The following EYS variants were observed in gnomAD, a reference collection of about 807,000 sequenced individuals.
EYS encodes EGF-like photoreceptor maintenance factor.
Under a neutral mutation model 282.1 loss-of-function variants are expected in EYS, and 250 were observed. That is an observed-to-expected ratio of 0.89 (90% CI 0.80 to 0.98). The LOEUF (loss-of-function observed/expected upper bound fraction) is 0.98, where lower values mean the gene tolerates loss of function less well. Ranked by LOEUF, EYS falls within the 50% of genes least tolerant of loss-of-function variation. The pLI is 0.00. For missense variants in EYS, 4,016 were observed against 3,709.0 expected, an observed-to-expected ratio of 1.08 and a Z score of -2.15; for synonymous variants, 1,355 against 1,282.9, an observed-to-expected ratio of 1.06 and a Z score of -1.20.
At chr6:63,729,953 T>A (rs531833874) in intron 41 of EYS, among the ~76,000 whole-genome samples, 1 of 152,328 alleles carries the variant, frequency 6.6e-6, no homozygotes, top group African/African-American at 2.4e-5. Context: ...TTTTATATAG[T>A]CATCTCTCTT....
At position 64,297,999 on chromosome 6, in the gene EYS, ATT is replaced by A. The variant is rs1456002772; in HGVS notation, c.6191+8969_6191+8970del. Among the ~76,000 whole-genome samples, 89 of 140,514 alleles carry A rather than the reference ATT, an allele frequency of 6.3e-4. 2 individuals are homozygous for A. Among genetic ancestry groups the A allele is most frequent in the African/African-American group, 2.3e-3 (86 of 37,568 alleles). 92.2% of individuals were successfully genotyped at this position (140,514 alleles called of 152,430 possible). On this transcript the variant is annotated intron_variant, in intron 30 of 42. Coordinates refer to ENST00000503581, the MANE Select transcript of EYS (RefSeq NM_001142800.2). ...TCTCAAAAAAAAAAAAAAAAAAAAA[ATT>A]AGGTAGAAATTAAGACATTCCCAGA...
At chr6:64,847,358 A>C (rs943175482) in intron 19 of EYS, among the ~76,000 whole-genome samples, 1 of 152,052 alleles carries the variant, frequency 6.6e-6, no homozygotes. Flanking sequence ...TGTTAATGCC[A>C]ATCAAAAATG....
intron 30 of EYS, among the ~76,000 whole-genome samples, chr6:64,260,337 G>A (rs192920362): frequency 2.3e-4 from 35 of 151,984 alleles, no homozygotes; most frequent in Admixed American, 2.1e-3. Context: ...TGTTTTAACC[G>A]CCTGGTTGTA....
chr6:65,176,498 T>TA (rs1031557352), intron 12 of EYS, among the ~76,000 whole-genome samples: 8 of 151,420 alleles, frequency 5.3e-5, no homozygotes, highest in Admixed American at 2.0e-4. Context: ...ACATTTTATT[T>TA]AAAAAAAACT....
At chr6:65,034,933 C>T (rs181089342) in intron 13 of EYS, among the ~76,000 whole-genome samples, 17 of 152,084 alleles carry the variant, frequency 1.1e-4, no homozygotes, top group African/African-American at 4.1e-4. Flanking sequence ...AGACCGATAT[C>T]TCTGAATAAC....
chr6:65,445,787 A>T (rs1341308787), intron 5 of EYS, among the ~76,000 whole-genome samples: 1 of 151,764 alleles, frequency 6.6e-6, no homozygotes, highest in Non-Finnish European at 1.5e-5. Context: ...TACTTTATTG[A>T]TGTTCTCTGA....
intron 31 of EYS, among the ~76,000 whole-genome samples, chr6:64,167,373 TGA>T (rs747085064): frequency 1.3e-5 from 2 of 152,224 alleles, no homozygotes; most frequent in Non-Finnish European, 2.9e-5. Flanking sequence ...TTTAAGTTCC[TGA>T]GAGTAAAATG....
At chr6:64,758,694 C>A (rs111472187) in intron 22 of EYS, among the ~76,000 whole-genome samples, 1 of 152,146 alleles carries the variant, frequency 6.6e-6, no homozygotes, top group Non-Finnish European at 1.5e-5. Flanking sequence ...CAACAGATTT[C>A]TTTTCTTTCA....
intron 36 of EYS, among the ~76,000 whole-genome samples, chr6:63,836,947 CT>C (rs59071203): frequency 1.1e-4 from 16 of 151,584 alleles, no homozygotes; most frequent in Non-Finnish European, 2.1e-4. Flanking sequence ...CATTCTCTGC[CT>C]TTTTTTTGAA....
chr6:64,743,116 C>A (rs967904556), intron 22 of EYS, among the ~76,000 whole-genome samples: 2 of 152,022 alleles, frequency 1.3e-5, no homozygotes, highest in African/African-American at 4.8e-5. Flanking sequence ...ACCGAGGTGA[C>A]ATTCAAGCAG....
chr6:65,593,637 G>C (rs1157534301), intron 2 of EYS, among the ~76,000 whole-genome samples: 2 of 151,794 alleles, frequency 1.3e-5, no homozygotes, highest in Non-Finnish European at 2.9e-5. Context: ...AACAAATAAA[G>C]TCTATTCTTA....
intron 1 of EYS, among the ~76,000 whole-genome samples, chr6:65,655,573 T>A (rs989435370): frequency 6.6e-6 from 1 of 151,834 alleles, no homozygotes; most frequent in South Asian, 2.1e-4. Context: ...GGATTTTTCA[T>A]AAAATATCTC....
intron 41 of EYS, among the ~76,000 whole-genome samples, chr6:63,733,301 T>C (rs1377156392): frequency 6.6e-6 from 1 of 152,146 alleles, no homozygotes; most frequent in Non-Finnish European, 1.5e-5. Flanking sequence ...CAACTTGTAT[T>C]TTAGGTCCAA....
At chr6:65,127,867 G>A (rs1453688218) in intron 12 of EYS, among the ~76,000 whole-genome samples, 1 of 152,006 alleles carries the variant, frequency 6.6e-6, no homozygotes, top group East Asian at 1.9e-4. Flanking sequence ...CTCACTGTTT[G>A]TGCAGAACTT....
At chr6:63,919,281 C>T (rs533121327) in intron 35 of EYS, among the ~76,000 whole-genome samples, 6 of 86,888 alleles carry the variant, frequency 6.9e-5, no homozygotes, top group Non-Finnish European at 1.2e-4. Context: ...GGCTCAGGGG[C>T]GGGGAAGAAG....
At position 65,115,966 on chromosome 6, in the gene EYS, A is replaced by ATCATCC. The variant is rs1554154790; in HGVS notation, c.2024-58240_2024-58239insGGATGA. Among the ~76,000 whole-genome samples, 20 of 144,856 alleles carry ATCATCC rather than the reference A, an allele frequency of 1.4e-4. 1 individual carries two copies. Among genetic ancestry groups the ATCATCC allele is most frequent in the African/African-American group, 5.0e-4 (19 of 38,376 alleles). On this transcript the variant is annotated intron_variant, in intron 12 of 42. Transcript: ENST00000503581. ...TGTCTGTCTGTCTGTCTGTCTATCT[A>ATCATCC]ATCTATCTATCTATCTATCTATCTA...
At chr6:65,039,277 T>G (rs183804087) in intron 13 of EYS, among the ~76,000 whole-genome samples, 293 of 151,734 alleles carry the variant, frequency 1.9e-3, no homozygotes, top group African/African-American at 6.6e-3. Context: ...TATTTTCTTA[T>G]TGAATTGCTT....
intron 41 of EYS, among the ~76,000 whole-genome samples, chr6:63,734,472 G>A (rs1768860075): frequency 6.6e-6 from 1 of 152,124 alleles, no homozygotes. Context: ...AGAATACAGT[G>A]ACGAATGCAA....
intron 22 of EYS, chr6:64,733,406 T>G (rs1424471406): frequency 5.6e-6 from 1 of 177,286 alleles, no homozygotes; most frequent in Non-Finnish European, 1.3e-5. Flanking sequence ...GATGGTACAC[T>G]GATTTCACAA....
Sources: allele counts gnomAD v4.1 joint callset (sites outside exome capture counted in the v4.1 genomes callset), GRCh38; gene constraint gnomAD v4.1.1; transcripts MANE v1.5; gene names NCBI Gene and HGNC (gene_info 2026-07-23, HGNC 2026-07-21).